PRKCB: variants seen among roughly 807,000 people sequenced by gnomAD.
The protein encoded by PRKCB is protein kinase C beta type.
Under a neutral mutation model 81.5 loss-of-function variants are expected in PRKCB, and 13 were observed. The ratio of observed to expected loss-of-function variants is 0.16; its 90% CI spans 0.10 to 0.25. The LOEUF (loss-of-function observed/expected upper bound fraction) is 0.25, where lower values mean the gene tolerates loss of function less well. PRKCB is among the 10% of genes least tolerant of loss of function. The pLI is 1.00. For missense variants in PRKCB, 509 were observed against 875.7 expected, an observed-to-expected ratio of 0.58 and a Z score of 5.29; for synonymous variants, 335 against 321.4, an observed-to-expected ratio of 1.04 and a Z score of -0.45.
At chr16:24,072,446 A>G (rs1294269615) in intron 5 of PRKCB, among the ~76,000 whole-genome samples, 1 of 151,678 alleles carries the variant, frequency 6.6e-6, no homozygotes, top group Non-Finnish European at 1.5e-5. Flanking sequence ...TATTATTTTT[A>G]TTTTTTATAA....
chr16:24,147,314 A>AAAAAC, intron 9 of PRKCB, among the ~76,000 whole-genome samples: 1 of 151,902 alleles, frequency 6.6e-6, no homozygotes, highest in African/African-American at 2.4e-5. Flanking sequence ...CTCAAAAAAA[A>AAAAAC]AAAAAAAACT....
At chr16:24,201,174 T>G (rs1257576259) in intron 16 of PRKCB, among the ~76,000 whole-genome samples, 1 of 152,210 alleles carries the variant, frequency 6.6e-6, no homozygotes, top group Non-Finnish European at 1.5e-5. Context: ...AGCCTCTTGA[T>G]CCTTCATGCT....
chr16:23,839,019 C>T (rs1962218125), intron 2 of PRKCB, among the ~76,000 whole-genome samples: 1 of 152,182 alleles, frequency 6.6e-6, no homozygotes, highest in Non-Finnish European at 1.5e-5. Context: ...CTTTCACTTC[C>T]ATGAATCAGT....
At chr16:23,879,797 T>C (rs892362465) in intron 2 of PRKCB, among the ~76,000 whole-genome samples, 6 of 152,134 alleles carry the variant, frequency 3.9e-5, no homozygotes, top group Non-Finnish European at 8.8e-5. Context: ...CCCGGTGCCC[T>C]GGTCCTTTAG....
chr16:24,168,867 T>C (rs1967394595), intron 10 of PRKCB, among the ~76,000 whole-genome samples: 1 of 151,966 alleles, frequency 6.6e-6, no homozygotes, highest in Admixed American at 6.6e-5. Context: ...ACCTCTTTTT[T>C]CTATTATTTT....
rs905695802 is a variant in PRKCB at position 24,156,282 on chromosome 16, C to CT, written c.1239+1435dup. On this transcript the variant is annotated intron_variant, in intron 10 of 16. Coordinates refer to ENST00000643927, the MANE Select transcript of PRKCB (RefSeq NM_002738.7). ...GTGCTCCAAGGGTGGCTAAAGTTGG[C>CT]TTTTTTTTTTCTAAATGGGTCTGGC... is the stretch of plus-strand genomic sequence containing the variant. Among the ~76,000 whole-genome samples the CT allele has an allele frequency of 7.4e-4, 110 of 148,644 alleles. 1 individual carries two copies. The highest frequency in any genetic ancestry group is 1.2e-3 in the African/African-American group (47 of 40,646).
At chr16:24,044,687 T>G (rs571802943) in intron 5 of PRKCB, among the ~76,000 whole-genome samples, 2 of 152,202 alleles carry the variant, frequency 1.3e-5, no homozygotes, top group Non-Finnish European at 2.9e-5. Flanking sequence ...TTATATATTA[T>G]CTATGGCTGC....
intron 2 of PRKCB, among the ~76,000 whole-genome samples, chr16:23,855,315 T>A (rs1043139191): frequency 1.3e-5 from 2 of 152,184 alleles, no homozygotes; most frequent in African/African-American, 4.8e-5. Flanking sequence ...CAATCACATG[T>A]GGGGTCTTAG....
intron 2 of PRKCB, among the ~76,000 whole-genome samples, chr16:23,850,411 G>A (rs751688587): frequency 1.7e-4 from 26 of 152,058 alleles, no homozygotes; most frequent in Non-Finnish European, 3.1e-4. Context: ...TGTTGCCCAG[G>A]CTGGAGTACA....
chr16:24,038,805 A>T (rs996920771), intron 5 of PRKCB, among the ~76,000 whole-genome samples: 6 of 152,234 alleles, frequency 3.9e-5, no homozygotes, highest in Non-Finnish European at 7.3e-5. Flanking sequence ...AGTCTTCTTC[A>T]GCCTGGTATC....
At chr16:23,955,037 C>T (rs1372066443) in intron 2 of PRKCB, among the ~76,000 whole-genome samples, 1 of 152,026 alleles carries the variant, frequency 6.6e-6, no homozygotes, top group East Asian at 1.9e-4. Context: ...TGCAGGGGAG[C>T]TTAATGTATT....
At chr16:24,112,580 G>A (rs1365588755) in intron 7 of PRKCB, among the ~76,000 whole-genome samples, 4 of 152,102 alleles carry the variant, frequency 2.6e-5, no homozygotes, top group South Asian at 2.1e-4. Flanking sequence ...AGAAATTTAC[G>A]ATGAGGGATC....
intron 2 of PRKCB, among the ~76,000 whole-genome samples, chr16:23,848,452 C>A: frequency 6.6e-6 from 1 of 152,182 alleles, no homozygotes; most frequent in East Asian, 1.9e-4. Context: ...TTTGGAATTT[C>A]ATGTCAGTCA....
At chr16:23,902,347 G>T (rs1010302877) in intron 2 of PRKCB, among the ~76,000 whole-genome samples, 2 of 152,124 alleles carry the variant, frequency 1.3e-5, no homozygotes, top group Non-Finnish European at 2.9e-5. Flanking sequence ...GAGTTCCACT[G>T]CATACCCCTC....
intron 15 of PRKCB, among the ~76,000 whole-genome samples, chr16:24,189,760 TTA>T (rs1257321180): frequency 3.3e-5 from 5 of 151,982 alleles, no homozygotes; most frequent in African/African-American, 1.2e-4. Flanking sequence ...AGACCACAAA[TTA>T]TCTTGCGAGG....
intron 7 of PRKCB, among the ~76,000 whole-genome samples, chr16:24,108,085 G>T (rs1306182086): frequency 1.3e-5 from 2 of 151,922 alleles, no homozygotes; most frequent in Non-Finnish European, 2.9e-5. Flanking sequence ...GCAGGCTTTC[G>T]ATTGAGAGCC....
At chr16:23,903,408 C>A (rs773224470) in intron 2 of PRKCB, among the ~76,000 whole-genome samples, 1 of 151,858 alleles carries the variant, frequency 6.6e-6, no homozygotes, top group Non-Finnish European at 1.5e-5. Flanking sequence ...TCATTTCCCC[C>A]CTAACAGCAG....
intron 2 of PRKCB, chr16:23,893,486 G>A (rs1342558140): frequency 6.6e-6 from 1 of 152,166 alleles, no homozygotes; most frequent in Non-Finnish European, 1.5e-5. Flanking sequence ...GAGAATTCCA[G>A]GTTCAGCTGT....
Position 24,217,465 on chromosome 16 carries a change from T to A in PRKCB, c.*2649T>A. 2 of 985,380 alleles carry A rather than the reference T, an allele frequency of 2.0e-6. No individual in the cohort carries two copies. Among genetic ancestry groups the A allele is most frequent in the South Asian group, 9.4e-5 (2 of 21,280 alleles). 61.0% of individuals were successfully genotyped at this position (985,380 alleles called of 1,614,324 possible). ...GAATTAATAACCCTCCTTGGATGAG[T>A]GCTACTGTTTTCACATGGCTTCAGA... On this transcript the variant is annotated 3_prime_UTR_variant, in exon 17 of 17. Coordinates refer to ENST00000643927, the MANE Select transcript of PRKCB (RefSeq NM_002738.7).
Sources: gnomAD v4.1 joint callset for allele counts (sites outside exome capture counted in the v4.1 genomes callset) on GRCh38, gnomAD v4.1.1 for gene constraint, MANE v1.5 for transcripts, NCBI Gene and HGNC (gene_info 2026-07-23, HGNC 2026-07-21) for gene names.